KAZN: variants seen among roughly 807,000 people sequenced by gnomAD.
KAZN encodes kazrin.
Under a neutral mutation model 87.4 loss-of-function variants are expected in KAZN, and 40 were observed. The ratio of observed to expected loss-of-function variants is 0.46; its 90% CI spans 0.36 to 0.60. KAZN has a LOEUF of 0.60. Among genes scored for constraint, KAZN ranks in the 20% least tolerant of loss-of-function variants. The pLI is 0.00. For synonymous variants in KAZN, 466 were observed against 458.3 expected, an observed-to-expected ratio of 1.02 and a Z score of -0.22; for missense variants, 898 against 1,073.9, an observed-to-expected ratio of 0.84 and a Z score of 2.29.
intron 2 of KAZN, among the ~76,000 whole-genome samples, chr1:14,579,686 T>C (rs1339191072): frequency 2.0e-5 from 3 of 151,452 alleles, no homozygotes; most frequent in Non-Finnish European, 4.4e-5. Context: ...TGACCACTGC[T>C]GAAAAAAAAA....
At chr1:14,082,046 A>ACC (rs1643693577) in intron 1 of KAZN, among the ~76,000 whole-genome samples, 1 of 152,126 alleles carries the variant, frequency 6.6e-6, no homozygotes, top group Non-Finnish European at 1.5e-5. Flanking sequence ...AAGTGCTGGG[A>ACC]TTACAGGCAT....
intron 1 of KAZN, among the ~76,000 whole-genome samples, chr1:14,659,141 A>G (rs1255025450): frequency 6.6e-6 from 1 of 152,128 alleles, no homozygotes; most frequent in Admixed American, 6.6e-5. Flanking sequence ...GGGAGGCTGA[A>G]GCACAAGAAT....
At chr1:15,098,355 C>T (rs774134554) in intron 10 of KAZN, among the ~76,000 whole-genome samples, 11 of 152,214 alleles carry the variant, frequency 7.2e-5, no homozygotes, top group Non-Finnish European at 1.0e-4. Context: ...CGCCAAGCTG[C>T]GGCCCCATGG....
chr1:13,904,632 T>C (rs1231131845), intron 1 of KAZN, among the ~76,000 whole-genome samples: 1 of 152,224 alleles, frequency 6.6e-6, no homozygotes, highest in African/African-American at 2.4e-5. Flanking sequence ...TGTTGGTCTT[T>C]GATTTTGGGG....
intron 1 of KAZN, among the ~76,000 whole-genome samples, chr1:14,079,489 A>G (rs1643591377): frequency 6.6e-6 from 1 of 152,352 alleles, no homozygotes; most frequent in Middle Eastern, 3.4e-3. Flanking sequence ...CAACTGTTCC[A>G]GAGCGATGTT....
intron 1 of KAZN, chr1:14,924,111 G>A: frequency 1.0e-6 from 1 of 982,530 alleles, no homozygotes. Context: ...GGAGCGGGAG[G>A]AGGAGCCGCG....
intron 2 of KAZN, among the ~76,000 whole-genome samples, chr1:14,335,026 G>A (rs1021097470): frequency 1.3e-5 from 2 of 152,008 alleles, no homozygotes; most frequent in African/African-American, 4.8e-5. Flanking sequence ...GTCTCATGTT[G>A]AAACGTGATC....
intron 2 of KAZN, among the ~76,000 whole-genome samples, chr1:14,207,422 G>A (rs950557323): frequency 2.6e-5 from 4 of 152,036 alleles, no homozygotes; most frequent in African/African-American, 7.2e-5. Flanking sequence ...CTCCCAACCC[G>A]AGCATCATGT....
At chr1:13,952,972 A>C (rs1291452815) in intron 1 of KAZN, among the ~76,000 whole-genome samples, 3 of 152,204 alleles carry the variant, frequency 2.0e-5, no homozygotes, top group Non-Finnish European at 4.4e-5. Flanking sequence ...TTAGCTCATC[A>C]TAAAAGATAT....
At chr1:14,442,649 C>T (rs1666767109) in intron 2 of KAZN, among the ~76,000 whole-genome samples, 1 of 152,158 alleles carries the variant, frequency 6.6e-6, no homozygotes, top group Non-Finnish European at 1.5e-5. Flanking sequence ...GGAGGTGAGC[C>T]AGGCCTGGAA....
chr1:14,776,344 C>T (rs891174256), intron 1 of KAZN, among the ~76,000 whole-genome samples: 6 of 152,106 alleles, frequency 3.9e-5, no homozygotes, highest in East Asian at 3.9e-4. Context: ...GGAATAGTAA[C>T]GCAGGTGGGC....
intron 1 of KAZN, among the ~76,000 whole-genome samples, chr1:13,939,919 C>T (rs2100964749): frequency 2.0e-5 from 3 of 152,156 alleles, no homozygotes; most frequent in Admixed American, 2.0e-4. Context: ...CATGAGAACT[C>T]ACTATACTGA....
chr1:13,960,108 G>T (rs1375902213), intron 1 of KAZN, among the ~76,000 whole-genome samples: 1 of 140,472 alleles, frequency 7.1e-6, no homozygotes, highest in African/African-American at 2.6e-5. Context: ...AATAATCACA[G>T]AATTTATCAT....
chr1:14,417,864 C>T (rs966554054), intron 2 of KAZN, among the ~76,000 whole-genome samples: 4 of 151,390 alleles, frequency 2.6e-5, no homozygotes, highest in African/African-American at 9.7e-5. Context: ...GGCGTGGTGG[C>T]AGGCGCCTGT....
intron 2 of KAZN, among the ~76,000 whole-genome samples, chr1:14,379,964 G>A (rs570026907): frequency 5.9e-5 from 9 of 151,968 alleles, no homozygotes; most frequent in Admixed American, 3.3e-4. Context: ...GCACAGTCCC[G>A]GTGGTGGTGG....
At chr1:14,007,946 C>T (rs1477308444) in intron 1 of KAZN, among the ~76,000 whole-genome samples, 2 of 152,144 alleles carry the variant, frequency 1.3e-5, no homozygotes, top group Admixed American at 6.5e-5. Context: ...TCAGTTACGT[C>T]CTTTTGGCCC....
intron 1 of KAZN, among the ~76,000 whole-genome samples, chr1:14,914,977 G>A (rs1379738934): frequency 2.6e-5 from 4 of 152,110 alleles, no homozygotes; most frequent in African/African-American, 9.7e-5. Context: ...GATCACCTGA[G>A]GTCAGGAGTT....
chr1:14,492,111 G>A (rs1188346256), intron 2 of KAZN, among the ~76,000 whole-genome samples: 2 of 152,176 alleles, frequency 1.3e-5, no homozygotes, highest in Non-Finnish European at 2.9e-5. Flanking sequence ...GAGCAGGTTT[G>A]GGGACAGCAG....
chr1:14,623,888 G>A (rs1216565310), intron 1 of KAZN, among the ~76,000 whole-genome samples: 1 of 151,894 alleles, frequency 6.6e-6, no homozygotes, highest in African/African-American at 2.4e-5. Context: ...TTCCCTTGTG[G>A]TCAAAACATA....
Sources: gnomAD v4.1 joint callset for allele counts (sites outside exome capture counted in the v4.1 genomes callset) on GRCh38, gnomAD v4.1.1 for gene constraint, MANE v1.5 for transcripts, NCBI Gene and HGNC (gene_info 2026-07-23, HGNC 2026-07-21) for gene names.